Variants in ASIC2 observed in about 807,000 individuals in gnomAD.
ASIC2 encodes acid-sensing ion channel 2.
ASIC2 carries 25 observed loss-of-function variants against 57.3 expected under a neutral mutation model. The ratio of observed to expected loss-of-function variants is 0.44; its 90% confidence interval spans 0.32 to 0.61. ASIC2 has a LOEUF of 0.61. ASIC2 is among the 20% of genes least tolerant of loss of function. ASIC2 has a pLI of 0.06. For missense variants in ASIC2, 641 were observed against 738.1 expected, an observed-to-expected ratio of 0.87 and a Z score of 1.52; for synonymous variants, 319 against 307.5, an observed-to-expected ratio of 1.04 and a Z score of -0.39.
rs142396996 is a variant in ASIC2 at position 33,189,859 on chromosome 17, C to A, written c.709-77792G>T. ...AAATCTACAGTTATAGTTGGGGACA[C>A]CCCTTTCTCAACAATGTTTATAACA... is the stretch of plus-strand genomic sequence containing the variant. On this transcript the variant is annotated intron_variant, in intron 1 of 9. Transcript: ENST00000225823. Among the ~76,000 whole-genome samples the A allele has an allele frequency of 1.0e-3, 153 of 152,228 alleles. No homozygotes were observed. In the Middle Eastern group the frequency reaches 0.01, roughly 10 times the overall value.
At chr17:33,816,696 C>A (rs1222802746) in intron 1 of ASIC2, 1 of 152,202 alleles carries the variant, frequency 6.6e-6, no homozygotes, top group Non-Finnish European at 1.5e-5. Flanking sequence ...CCCCTACTCA[C>A]CAGCCACAGA....
At chr17:33,733,231 C>T (rs1909802300) in intron 1 of ASIC2, among the ~76,000 whole-genome samples, 1 of 152,176 alleles carries the variant, frequency 6.6e-6, no homozygotes. Context: ...TCCAGAGGAT[C>T]TTCTTGTCAG....
chr17:33,476,912 T>C (rs1410396901), intron 1 of ASIC2, among the ~76,000 whole-genome samples: 1 of 152,098 alleles, frequency 6.6e-6, no homozygotes, highest in East Asian at 1.9e-4. Context: ...CTTTTCAGCC[T>C]CAGCAGTTGG....
chr17:33,500,467 C>T (rs1311821064), intron 1 of ASIC2, among the ~76,000 whole-genome samples: 1 of 152,212 alleles, frequency 6.6e-6, no homozygotes, highest in African/African-American at 2.4e-5. Flanking sequence ...GACAGGCCTA[C>T]AAGCTGCCAT....
intron 1 of ASIC2, among the ~76,000 whole-genome samples, chr17:33,558,647 G>A (rs1567649783): frequency 6.6e-6 from 1 of 152,184 alleles, no homozygotes; most frequent in African/African-American, 2.4e-5. Context: ...TGAACCATAT[G>A]GCCTCTGTAG....
intron 1 of ASIC2, among the ~76,000 whole-genome samples, chr17:34,094,501 T>C (rs9900922): frequency 0.055 from 8,410 of 152,234 alleles, 701 homozygotes; most frequent in African/African-American, 0.18. Context: ...ACATCCATGA[T>C]GGACAGATGA....
intron 1 of ASIC2, among the ~76,000 whole-genome samples, chr17:34,139,458 C>T (rs1335297572): frequency 2.0e-5 from 3 of 152,040 alleles, no homozygotes; most frequent in East Asian, 1.9e-4. Context: ...TTTATAATTG[C>T]CAAAAAATGG....
chr17:33,165,984 C>T (rs563641822), intron 1 of ASIC2, among the ~76,000 whole-genome samples: 2 of 152,248 alleles, frequency 1.3e-5, no homozygotes, highest in African/African-American at 4.8e-5. Flanking sequence ...AAAAGACTTA[C>T]ACCACAATTT....
intron 1 of ASIC2, among the ~76,000 whole-genome samples, chr17:33,288,760 A>ACACACACAC (rs1567811505): frequency 4.7e-5 from 7 of 147,524 alleles, no homozygotes; most frequent in Middle Eastern, 3.2e-3. Context: ...ACACACACAC[A>ACACACACAC]ACTAATATGG....
chr17:33,038,862 G>A (rs984671512), intron 3 of ASIC2, among the ~76,000 whole-genome samples: 2 of 143,066 alleles, frequency 1.4e-5, no homozygotes, highest in African/African-American at 5.5e-5. Flanking sequence ...AGTAGGTGGC[G>A]CTGCAGCAAG....
chr17:33,840,529 T>C lies in ASIC2; in HGVS notation c.555+315449A>G, dbSNP rs981276931. Among the ~76,000 whole-genome samples the C allele has an allele frequency of 2.1e-4, 32 of 152,184 alleles. 1 individual carries two copies. The highest frequency in any genetic ancestry group is 1.4e-4 in the African/African-American group (6 of 41,426). ...AAGTAGGAGATGTTCCCGCTCTCCATGGACCTTCAGTGCTGAGCTAAGATG... is the reference window on the plus strand; with the variant it reads ...AAGTAGGAGATGTTCCCGCTCTCCACGGACCTTCAGTGCTGAGCTAAGATG... On this transcript the variant is annotated intron_variant, in intron 1 of 9. Transcript: ENST00000359872.
chr17:33,909,300 G>A (rs1016383805), intron 1 of ASIC2, among the ~76,000 whole-genome samples: 1 of 152,184 alleles, frequency 6.6e-6, no homozygotes, highest in African/African-American at 2.4e-5. Context: ...CAGAACAGCA[G>A]GCCTACAAGG....
chr17:33,792,015 G>C (rs555892736), intron 1 of ASIC2: 5 of 152,066 alleles, frequency 3.3e-5, no homozygotes, highest in Non-Finnish European at 7.4e-5. Flanking sequence ...TCGTCACGTT[G>C]CCCAGGTTTG....
chr17:34,046,401 AAT>A (rs2142049814), intron 1 of ASIC2, among the ~76,000 whole-genome samples: 1 of 152,334 alleles, frequency 6.6e-6, no homozygotes, highest in Admixed American at 6.5e-5. Context: ...TGGGTTGTGC[AAT>A]AGTACTTGAG....
At chr17:33,470,098 C>T (rs1464598367) in intron 1 of ASIC2, among the ~76,000 whole-genome samples, 1 of 152,118 alleles carries the variant, frequency 6.6e-6, no homozygotes, top group Non-Finnish European at 1.5e-5. Context: ...GGGAATGACT[C>T]ATGTGGACTA....
intron 1 of ASIC2, among the ~76,000 whole-genome samples, chr17:33,529,267 C>T (rs1372945703): frequency 2.0e-5 from 3 of 152,196 alleles, no homozygotes; most frequent in Non-Finnish European, 4.4e-5. Context: ...AGCCCCACTT[C>T]ACTCCAGTCC....
intron 1 of ASIC2, among the ~76,000 whole-genome samples, chr17:33,216,974 T>C (rs565126683): frequency 1.3e-5 from 2 of 152,178 alleles, no homozygotes; most frequent in Non-Finnish European, 2.9e-5. Context: ...GGTAAATCAG[T>C]AGCTACAGGT....
At chr17:33,244,056 G>A (rs1479027064) in intron 1 of ASIC2, among the ~76,000 whole-genome samples, 2 of 152,188 alleles carry the variant, frequency 1.3e-5, no homozygotes, top group Non-Finnish European at 2.9e-5. Context: ...AGCAACAAAT[G>A]CACATCGCTA....
chr17:33,877,922 C>T (rs113113619), intron 1 of ASIC2, among the ~76,000 whole-genome samples: 39,234 of 152,094 alleles, frequency 0.26, 5,259 homozygotes, highest in Middle Eastern at 0.37. Context: ...TCCAGAGGAA[C>T]GATCAAGCAG....
Sources: allele counts gnomAD v4.1 joint callset (sites outside exome capture counted in the v4.1 genomes callset), GRCh38; gene constraint gnomAD v4.1.1; transcripts MANE v1.5; gene names NCBI Gene and HGNC (gene_info 2026-07-23, HGNC 2026-07-21).